TAFA2: variants seen among roughly 807,000 people sequenced by gnomAD.
TAFA2 encodes TAFA chemokine like family member 2.
In TAFA2, 7 loss-of-function variants were observed where a neutral mutation model predicts 18.8. That is an observed-to-expected ratio of 0.37 (90% CI 0.21 to 0.70). The LOEUF (loss-of-function observed/expected upper bound fraction) is 0.70. TAFA2 is among the 30% of genes least tolerant of loss of function. The pLI, the probability that TAFA2 is intolerant of heterozygous loss-of-function variation, is 0.53. For synonymous variants in TAFA2, 60 were observed against 54.2 expected (o/e 1.11, Z -0.47); for missense variants, 122 against 158.1 (o/e 0.77, Z 1.23).
chr12:62,123,048 A>T (rs1870271007), intron 1 of TAFA2, among the ~76,000 whole-genome samples: 1 of 152,084 alleles, frequency 6.6e-6, no homozygotes, highest in Non-Finnish European at 1.5e-5. Context: ...TCCTCTGAAC[A>T]CCTATTTCAT....
chr12:61,750,691 A>G (rs149156868), intron 4 of TAFA2, among the ~76,000 whole-genome samples: 99 of 152,244 alleles, frequency 6.5e-4, no homozygotes, highest in African/African-American at 2.3e-3. Context: ...TTTCTGGCTG[A>G]CTGCTATTTA....
rs373345276 is a variant in TAFA2 at position 61,766,182 on chromosome 12, A to G, written c.107-11158T>C. 3.3e-5 allele frequency among the ~76,000 whole-genome samples: 5 copies of G among 152,072 alleles called. No individual in the cohort carries two copies. The East Asian group carries it at 9.7e-4, about 29-fold the overall frequency. ...CACACATAAACACACACATACTACC[A>G]TGGAAGATCCTTCTAAAAGTAATTC... On this transcript the variant is annotated intron_variant, in intron 2 of 4. Coordinates refer to ENST00000416284, the MANE Select transcript of TAFA2 (RefSeq NM_178539.5).
intron 1 of TAFA2, among the ~76,000 whole-genome samples, chr12:62,147,032 T>A (rs983889138): frequency 5.9e-5 from 9 of 151,552 alleles, no homozygotes; most frequent in African/African-American, 2.2e-4. Context: ...AACCAACTGA[T>A]CTTTGACAAA....
chr12:61,995,356 G>A (rs779648955), intron 1 of TAFA2, among the ~76,000 whole-genome samples: 1 of 152,112 alleles, frequency 6.6e-6, no homozygotes, highest in African/African-American at 2.4e-5. Flanking sequence ...AGTCATCAAT[G>A]TCACCTCCTT....
intron 1 of TAFA2, among the ~76,000 whole-genome samples, chr12:62,137,225 G>A (rs545002535): frequency 6.6e-6 from 1 of 152,172 alleles, no homozygotes; most frequent in East Asian, 1.9e-4. Flanking sequence ...TACAGTTCAT[G>A]GGCAAATAAA....
chr12:61,969,430 A>G (rs1328560375), intron 1 of TAFA2, among the ~76,000 whole-genome samples: 1 of 151,690 alleles, frequency 6.6e-6, no homozygotes, highest in Non-Finnish European at 1.5e-5. Flanking sequence ...TCTGACCATT[A>G]AACTATTTTA....
intron 2 of TAFA2, among the ~76,000 whole-genome samples, chr12:61,836,756 T>TATATATATATATATATATATATATATAC (rs68158949): frequency 0.013 from 1,505 of 118,412 alleles, 25 homozygotes; most frequent in South Asian, 0.032. Context: ...TATATATATA[T>TATATATATATATATATATATATATATAC]ACACACACAC....
chr12:61,958,954 C>T (rs1878790006), intron 1 of TAFA2, among the ~76,000 whole-genome samples: 1 of 151,896 alleles, frequency 6.6e-6, no homozygotes, highest in Non-Finnish European at 1.5e-5. Context: ...AAGATGGGGT[C>T]CATTTTTATT....
intron 1 of TAFA2, among the ~76,000 whole-genome samples, chr12:62,136,208 G>C (rs1354868235): frequency 6.6e-6 from 1 of 152,074 alleles, no homozygotes; most frequent in Non-Finnish European, 1.5e-5. Flanking sequence ...TTTAGATTAA[G>C]TTGATCCAAG....
intron 1 of TAFA2, among the ~76,000 whole-genome samples, chr12:61,974,157 G>C (rs1351790319): frequency 1.3e-5 from 2 of 151,546 alleles, no homozygotes; most frequent in South Asian, 4.1e-4. Context: ...CATTTAGAGA[G>C]GTATAATTGA....
chr12:61,985,302 G>C (rs774034059), intron 1 of TAFA2, among the ~76,000 whole-genome samples: 118 of 152,314 alleles, frequency 7.7e-4, no homozygotes, highest in Middle Eastern at 6.8e-3. Context: ...TTCACTGGAA[G>C]TATATTTTGT....
At chr12:61,784,514 G>C (rs1870644223) in intron 2 of TAFA2, among the ~76,000 whole-genome samples, 1 of 151,472 alleles carries the variant, frequency 6.6e-6, no homozygotes, top group Admixed American at 6.6e-5. Context: ...CTGATCCACA[G>C]TTTGAGAAAG....
chr12:62,243,811 T>G (rs1325561043), intron 1 of TAFA2, among the ~76,000 whole-genome samples: 1 of 152,202 alleles, frequency 6.6e-6, no homozygotes, highest in African/African-American at 2.4e-5. Context: ...GACAGGGTCT[T>G]GCTCTATCAC....
At chr12:61,921,581 GT>G (rs780826813) in intron 1 of TAFA2, among the ~76,000 whole-genome samples, 161 of 152,076 alleles carry the variant, frequency 1.1e-3, no homozygotes, top group Admixed American at 2.4e-3. Context: ...TTTGGTATGG[GT>G]TTTTTTGTGT....
chr12:62,230,375 T>A (rs1288105619), intron 1 of TAFA2, among the ~76,000 whole-genome samples: 1 of 152,138 alleles, frequency 6.6e-6, no homozygotes, highest in African/African-American at 2.4e-5. Flanking sequence ...TAGTACTGCT[T>A]TTACTAGATC....
intron 1 of TAFA2, among the ~76,000 whole-genome samples, chr12:62,026,918 T>C (rs1463457009): frequency 1.3e-5 from 2 of 152,136 alleles, no homozygotes; most frequent in Non-Finnish European, 2.9e-5. Context: ...CCTAACTTAT[T>C]TGATTTCATA....
chr12:61,872,672 C>T (rs184823911), intron 1 of TAFA2, among the ~76,000 whole-genome samples: 44 of 152,234 alleles, frequency 2.9e-4, no homozygotes, highest in South Asian at 1.7e-3. Flanking sequence ...AGGTTCCCTA[C>T]GCTTCAAGCA....
At chr12:62,085,425 T>C (rs1273522889) in intron 1 of TAFA2, among the ~76,000 whole-genome samples, 2 of 152,162 alleles carry the variant, frequency 1.3e-5, no homozygotes, top group African/African-American at 4.8e-5. Context: ...GAAGCAAAAG[T>C]AGCAGAAGAA....
At chr12:62,181,103 T>G (rs1229483833) in intron 1 of TAFA2, among the ~76,000 whole-genome samples, 3 of 152,246 alleles carry the variant, frequency 2.0e-5, no homozygotes. Flanking sequence ...TTGCCTAGAA[T>G]GTATTTGTTA....
Sources: allele counts gnomAD v4.1 joint callset (sites outside exome capture counted in the v4.1 genomes callset), GRCh38; gene constraint gnomAD v4.1.1; transcripts MANE v1.5; gene names NCBI Gene and HGNC (gene_info 2026-07-23, HGNC 2026-07-21).